Variants in LRP1B observed in about 807,000 individuals in gnomAD.
LRP1B encodes the protein low-density lipoprotein receptor-related protein 1B.
LRP1B carries 217 observed loss-of-function variants against 556.6 expected under a neutral mutation model. The ratio of observed to expected loss-of-function variants is 0.39; its 90% CI spans 0.35 to 0.44. The LOEUF (loss-of-function observed/expected upper bound fraction) is 0.44, where lower values mean the gene tolerates loss of function less well. Ranked by LOEUF, LRP1B falls within the 20% of genes least tolerant of loss-of-function variation. The probability of loss-of-function intolerance (pLI) is 1.00; values close to 1 mark genes in which losing one functional copy is unlikely to be tolerated. For synonymous variants in LRP1B, 2,047 were observed against 1,865.8 expected (o/e 1.10, Z -2.50); for missense variants, 5,053 against 5,620.8 (o/e 0.90, Z 3.23).
intron 66 of LRP1B, among the ~76,000 whole-genome samples, chr2:140,432,228 A>AC (rs1685979511): frequency 6.6e-6 from 1 of 151,588 alleles, no homozygotes; most frequent in Non-Finnish European, 1.5e-5. Context: ...CCAGAGAACA[A>AC]CCCCCCTTTG....
At chr2:140,669,715 T>C (rs1685412381) in intron 41 of LRP1B, among the ~76,000 whole-genome samples, 1 of 152,042 alleles carries the variant, frequency 6.6e-6, no homozygotes, top group Non-Finnish European at 1.5e-5. Context: ...AATTCTTTAT[T>C]ATTGGTTGTA....
Position 140,271,478 on chromosome 2 carries a change from C to A in LRP1B, c.13143-1132G>T, listed in dbSNP as rs747712535. 4.6e-5 allele frequency among the ~76,000 whole-genome samples: 7 copies of A among 152,042 alleles called. No homozygotes were observed. The East Asian group carries it at 1.4e-3, about 30-fold the overall frequency. ...GATAGGTGAGATGCCTAAAAATAAT[C>A]GGTTGACATGTAGTTCATTTATTCT... On this transcript the variant is annotated intron_variant, in intron 85 of 90. Coordinates refer to ENST00000389484, the MANE Select transcript of LRP1B (RefSeq NM_018557.3).
intron 41 of LRP1B, among the ~76,000 whole-genome samples, chr2:140,664,063 G>T (rs1442815706): frequency 3.3e-5 from 5 of 152,142 alleles, no homozygotes; most frequent in Non-Finnish European, 7.4e-5. Context: ...TGCTCATTTT[G>T]ACGGCAAGTA....
intron 3 of LRP1B, among the ~76,000 whole-genome samples, chr2:141,475,352 G>A (rs895791618): frequency 1.3e-5 from 2 of 152,160 alleles, no homozygotes; most frequent in Non-Finnish European, 2.9e-5. Context: ...GGGCAACAGA[G>A]CAAGATTCTG....
intron 2 of LRP1B, among the ~76,000 whole-genome samples, chr2:141,767,275 G>A (rs1694760594): frequency 6.6e-6 from 1 of 152,062 alleles, no homozygotes; most frequent in Non-Finnish European, 1.5e-5. Flanking sequence ...AGGAGCTAAA[G>A]TATTAAGCAA....
chr2:141,698,544 CAGTT>C (rs912745957), intron 2 of LRP1B, among the ~76,000 whole-genome samples: 36 of 148,274 alleles, frequency 2.4e-4, no homozygotes, highest in African/African-American at 5.2e-4. Context: ...CAGATTGAAA[CAGTT>C]AGGTCAATCA....
At chr2:140,725,957 C>G (rs1030404047) in intron 35 of LRP1B, among the ~76,000 whole-genome samples, 1 of 152,062 alleles carries the variant, frequency 6.6e-6, no homozygotes, top group African/African-American at 2.4e-5. Context: ...AAATGGCTAC[C>G]CATTAGAACT....
intron 11 of LRP1B, among the ~76,000 whole-genome samples, chr2:141,047,892 C>G (rs970046765): frequency 6.6e-6 from 1 of 152,028 alleles, no homozygotes; most frequent in African/African-American, 2.4e-5. Flanking sequence ...CATCTCCTGC[C>G]GAAGGAGTTA....
At chr2:141,124,307 C>T (rs1405621144) in intron 7 of LRP1B, among the ~76,000 whole-genome samples, 1 of 152,076 alleles carries the variant, frequency 6.6e-6, no homozygotes, top group Admixed American at 6.6e-5. Flanking sequence ...CTTTTCTCCT[C>T]CTTTACCTTC....
intron 2 of LRP1B, among the ~76,000 whole-genome samples, chr2:141,596,777 G>A (rs1294125290): frequency 6.6e-6 from 1 of 151,912 alleles, no homozygotes; most frequent in Admixed American, 6.6e-5. Flanking sequence ...AAAAAGGCAG[G>A]AGCAATACCA....
intron 7 of LRP1B, among the ~76,000 whole-genome samples, chr2:141,084,654 T>C (rs1700004163): frequency 1.2e-4 from 1 of 8,478 alleles, no homozygotes; most frequent in South Asian, 2.5e-3. Flanking sequence ...TTCTGTTTCT[T>C]TTTTTTTTTT....
chr2:141,923,403 C>CTATATATATA (rs61682272), intron 1 of LRP1B, among the ~76,000 whole-genome samples: 28,558 of 101,748 alleles, frequency 0.28, 6,264 homozygotes, highest in East Asian at 0.46. Context: ...ATCTCTGTCA[C>CTATATATATA]TATATATATA....
At chr2:140,839,676 A>G (rs114018398) in intron 31 of LRP1B, among the ~76,000 whole-genome samples, 308 of 152,314 alleles carry the variant, frequency 2.0e-3, no homozygotes, top group African/African-American at 7.0e-3. Context: ...TTGAGGTTTT[A>G]GGACTCGGAC....
chr2:140,373,848 A>G (rs1460505699), intron 68 of LRP1B, among the ~76,000 whole-genome samples: 3 of 152,176 alleles, frequency 2.0e-5, no homozygotes, highest in African/African-American at 7.2e-5. Context: ...TAGGGAGAAG[A>G]AGGCTAAGGA....
At chr2:141,401,570 T>G (rs1690455001) in intron 3 of LRP1B, among the ~76,000 whole-genome samples, 1 of 152,214 alleles carries the variant, frequency 6.6e-6, no homozygotes, top group African/African-American at 2.4e-5. Flanking sequence ...CTGCTAGCAA[T>G]GCATGCATCA....
chr2:140,543,233 A>T (rs1680201075), intron 43 of LRP1B, among the ~76,000 whole-genome samples: 1 of 152,110 alleles, frequency 6.6e-6, no homozygotes, highest in African/African-American at 2.4e-5. Flanking sequence ...AAAATTCTCA[A>T]ATCAATGACT....
chr2:140,832,124 G>A (rs1193335300), intron 31 of LRP1B, among the ~76,000 whole-genome samples: 2 of 151,956 alleles, frequency 1.3e-5, no homozygotes, highest in East Asian at 2.0e-4. Flanking sequence ...AACTGCATGG[G>A]TTCACTTATA....
chr2:140,341,502 C>T (rs1291573608), intron 77 of LRP1B, among the ~76,000 whole-genome samples: 2 of 151,258 alleles, frequency 1.3e-5, no homozygotes, highest in Admixed American at 1.3e-4. Context: ...AGATCAAGAC[C>T]ATTCTCCAGG....
intron 87 of LRP1B, among the ~76,000 whole-genome samples, chr2:140,245,453 T>A (rs1205673477): frequency 2.0e-5 from 3 of 151,574 alleles, no homozygotes; most frequent in Non-Finnish European, 4.4e-5. Context: ...AAAAATTTTT[T>A]AAATTGTTTT....
Sources: allele counts gnomAD v4.1 joint callset (sites outside exome capture counted in the v4.1 genomes callset), GRCh38; gene constraint gnomAD v4.1.1; transcripts MANE v1.5; gene names NCBI Gene and HGNC (gene_info 2026-07-23, HGNC 2026-07-21).